ZNF774: variants seen among roughly 807,000 people sequenced by gnomAD.
The protein encoded by ZNF774 is zinc finger protein 774.
ZNF774 carries 14 observed loss-of-function variants against 11.1 expected under a neutral mutation model. The observed-to-expected ratio is 1.26, with a 90% confidence interval of 0.83 to 1.97. ZNF774 has a LOEUF of 1.97. Ranked by LOEUF, ZNF774 falls within the 30% of genes most tolerant of loss-of-function variation. ZNF774 has a pLI of 0.00. For synonymous variants in ZNF774, 195 were observed against 212.6 expected (o/e 0.92, Z 0.72); for missense variants, 599 against 587.0 (o/e 1.02, Z -0.21).
intron 1 of ZNF774, among the ~76,000 whole-genome samples, 189 bp downstream of exon 1, chr15:90,352,600 C>T (rs1964188527): frequency 6.6e-6 from 1 of 152,158 alleles, no homozygotes; most frequent in Non-Finnish European, 1.5e-5. Context: ...AAGTCATTCT[C>T]TTAATCAGTT....
chr15:90,357,598 G>A (rs1964265953), intron 2 of ZNF774, among the ~76,000 whole-genome samples: 1 of 152,186 alleles, frequency 6.6e-6, no homozygotes, highest in African/African-American at 2.4e-5. Flanking sequence ...TGGAGATGGA[G>A]TCTCAATGTG....
Position 90,362,464 on chromosome 15 carries a change from A to G in ZNF774, c.*1181A>G, listed in dbSNP as rs1167164593. The G allele has an allele frequency of 7.6e-7, 1 of 1,323,826 alleles. No individual in the cohort carries two copies. Among genetic ancestry groups the G allele is most frequent in the Non-Finnish European group, 1.0e-6 (1 of 955,404 alleles). The allele number at this position is 1,323,826 out of a possible 1,614,324, so 82.0% of individuals were successfully genotyped here. A position where few individuals can be genotyped will look rare whatever the true frequency, so the allele number is the denominator to read the frequency against. ...AGGGATCCTCCCTGGCATTTAGCTG[A>G]AGGAAGCAACTCTTGTTTTCTAATT... On this transcript the variant is annotated 3_prime_UTR_variant, in exon 4 of 4. Coordinates refer to ENST00000354377, the MANE Select transcript of ZNF774 (RefSeq NM_001004309.3).
In ZNF774 at chr15:90,362,807, G is replaced by A; in HGVS notation, c.*1524G>A. The A allele has an allele frequency of 2.1e-6, 1 of 475,348 alleles. No individual in the cohort carries two copies. The highest frequency in any genetic ancestry group is 3.8e-6 in the Non-Finnish European group (1 of 265,980). 29.4% of individuals were successfully genotyped at this position (475,348 alleles called of 1,614,324 possible). ...CACACTTTGTTGGTTAACTATAAAT[G>A]TAATATCTCTATGTTATAATTCTGT... is the stretch of plus-strand genomic sequence containing the variant. On this transcript the variant is annotated 3_prime_UTR_variant, in exon 4 of 4. Coordinates refer to ENST00000354377, the MANE Select transcript of ZNF774 (RefSeq NM_001004309.3).
intron 3 of ZNF774, 132 bp downstream of exon 3, chr15:90,359,089 G>A (rs531026398): frequency 1.5e-4 from 84 of 551,282 alleles, no homozygotes; most frequent in East Asian, 7.3e-4. Flanking sequence ...TTTTTGAGAC[G>A]GAGTCTCGCT....
At chr15:90,352,751 G>C (rs148625538) in intron 1 of ZNF774, among the ~76,000 whole-genome samples, 5 of 151,648 alleles carry the variant, frequency 3.3e-5, no homozygotes, top group Non-Finnish European at 7.4e-5. Flanking sequence ...TAATAAACCC[G>C]GTGAACGCAC....
intron 1 of ZNF774, among the ~76,000 whole-genome samples, chr15:90,353,615 G>A (rs1186695098): frequency 1.3e-5 from 2 of 150,792 alleles, no homozygotes; most frequent in East Asian, 3.9e-4. Flanking sequence ...TTTTAAGGGA[G>A]AGACAGGGGC....
chr15:90,354,538 G>A, intron 1 of ZNF774, 104 bp from the exon 2 acceptor site: 4 of 693,038 alleles, frequency 5.8e-6, no homozygotes, highest in South Asian at 3.5e-5. Flanking sequence ...TTCTGGTCAG[G>A]TGTGGGGGGT....
intron 2 of ZNF774, among the ~76,000 whole-genome samples, 165 bp downstream of exon 2, chr15:90,354,929 C>G (rs2601150): frequency 1 from 151,663 of 152,324 alleles, 75,504 homozygotes; most frequent in Middle Eastern, 1. Flanking sequence ...TGAGTAGCTG[C>G]GATCACAGGC....
chr15:90,358,929 G>A lies in ZNF774; in HGVS notation c.183G>A (p.Ala61=), dbSNP rs140508852. ...PWVLPLQNFE[A]RKIPRESHTD... is the part of the protein sequence containing the mutation. ...TCCTACCACTCCAAAACTTTGAGGC[G>A]AGGAAGATCCCGAGGGAAAGCCACA... The change falls in exon 3 of 4, where the codon GCG becomes GCA. Residue 61 remains alanine, a synonymous_variant. Coordinates refer to ENST00000354377, the MANE Select transcript of ZNF774 (RefSeq NM_001004309.3). 13 of 1,613,842 alleles carry A rather than the reference G, an allele frequency of 8.1e-6. No homozygotes were observed. The highest frequency in any genetic ancestry group is 5.3e-5 in the African/African-American group (4 of 75,030).
intron 2 of ZNF774, among the ~76,000 whole-genome samples, chr15:90,358,077 G>A (rs1359532904): frequency 1.3e-5 from 2 of 151,722 alleles, no homozygotes; most frequent in Non-Finnish European, 2.9e-5. Context: ...TAGTAGAGAC[G>A]GGGTTTCACT....
chr15:90,352,609 T>A (rs1964188602), intron 1 of ZNF774, among the ~76,000 whole-genome samples, 198 bp downstream of exon 1: 1 of 152,022 alleles, frequency 6.6e-6, no homozygotes, highest in African/African-American at 2.4e-5. Context: ...TCTTAATCAG[T>A]TTTCTTGCTT....
chr15:90,357,126 G>A (rs1259408497), intron 2 of ZNF774, among the ~76,000 whole-genome samples: 1 of 152,170 alleles, frequency 6.6e-6, no homozygotes, highest in Non-Finnish European at 1.5e-5. Context: ...CTTCCAAGAA[G>A]ATTGAATCAA....
rs1347070639 is a variant in ZNF774, at chr15:90,362,638, G to GA, written c.*1357dup. ...TTGGAAAGAACACCGACTTCATTGA[G>GA]AAGGTAAAGTATTTGAGTCCTGGCC... is the stretch of plus-strand genomic sequence containing the variant. On this transcript the variant is annotated 3_prime_UTR_variant, in exon 4 of 4. Coordinates refer to ENST00000354377, the MANE Select transcript of ZNF774 (RefSeq NM_001004309.3). The GA allele has an allele frequency of 6.7e-7, 1 of 1,484,998 alleles. No individual in the cohort carries two copies. The highest frequency in any genetic ancestry group is 2.5e-5 in the East Asian group (1 of 40,608). The allele number at this position is 1,484,998 out of a possible 1,614,324, so 92.0% of individuals were successfully genotyped here. A position where few individuals can be genotyped will look rare whatever the true frequency, so the allele number is the denominator to read the frequency against.
intron 2 of ZNF774, 150 bp downstream of exon 2, chr15:90,354,914 C>T (rs1055441392): frequency 2.9e-6 from 2 of 700,432 alleles, no homozygotes; most frequent in Non-Finnish European, 4.9e-6. Flanking sequence ...CCCACCTCAA[C>T]CTCCTGAGTA....
In ZNF774 at chr15:90,362,528, T is replaced by C. The variant is rs1333592743; in HGVS notation, c.*1245T>C. 2 of 1,535,544 alleles carry C rather than the reference T, an allele frequency of 1.3e-6. No individual in the cohort carries two copies. The highest frequency in any genetic ancestry group is 1.7e-6 in the Non-Finnish European group (2 of 1,146,546). On this transcript the variant is annotated 3_prime_UTR_variant, in exon 4 of 4. Transcript: ENST00000354377. Reference sequence around the variant, plus strand: ...GCCATTTAGTTTTAGGTTAATATAATTCTCTGATCCTTTTAGGGCCATCCA... The same window carrying C: ...GCCATTTAGTTTTAGGTTAATATAACTCTCTGATCCTTTTAGGGCCATCCA...
chr15:90,357,372 C>A, intron 2 of ZNF774, among the ~76,000 whole-genome samples: 1 of 151,894 alleles, frequency 6.6e-6, no homozygotes, highest in East Asian at 1.9e-4. Flanking sequence ...GGTGTAGGGG[C>A]TTGTGCCTCT....
At chr15:90,358,499 T>G (rs1385148609) in intron 2 of ZNF774, among the ~76,000 whole-genome samples, 5 of 152,220 alleles carry the variant, frequency 3.3e-5, no homozygotes, top group Non-Finnish European at 7.3e-5. Context: ...TTAACTTCCT[T>G]CATTGTTTCT....
At chr15:90,358,129 G>T (rs756265253) in intron 2 of ZNF774, among the ~76,000 whole-genome samples, 2 of 151,740 alleles carry the variant, frequency 1.3e-5, no homozygotes, top group Non-Finnish European at 2.9e-5. Context: ...CTCGTAATCC[G>T]CCTGCCTCGG....
intron 3 of ZNF774, 29 bp downstream of exon 3, chr15:90,358,986 G>A (rs749225048): frequency 1.9e-6 from 3 of 1,556,082 alleles, no homozygotes. Context: ...CCAGTGGAAG[G>A]AAATCTAGCA....
Sources: allele counts gnomAD v4.1 joint callset (sites outside exome capture counted in the v4.1 genomes callset), GRCh38; gene constraint gnomAD v4.1.1; transcripts MANE v1.5; gene names NCBI Gene and HGNC (gene_info 2026-07-23, HGNC 2026-07-21).